CEP76: variants seen among roughly 807,000 people sequenced by gnomAD.
The protein encoded by CEP76 is centrosomal protein of 76 kDa.
In CEP76, 55 loss-of-function variants were observed where a neutral mutation model predicts 83.3. That is an observed-to-expected ratio of 0.66 (90% CI 0.53 to 0.83). The LOEUF (loss-of-function observed/expected upper bound fraction) is 0.83, where lower values mean the gene tolerates loss of function less well. Among genes scored for constraint, CEP76 ranks in the 40% least tolerant of loss-of-function variants. The pLI is 0.00. For missense variants in CEP76, 694 were observed against 799.5 expected, an observed-to-expected ratio of 0.87 and a Z score of 1.59; for synonymous variants, 270 against 274.5, an observed-to-expected ratio of 0.98 and a Z score of 0.16.
At chr18:12,669,584 G>T (rs1481023557), downstream of CEP76, among the ~76,000 whole-genome samples, 1 of 152,050 alleles carries the variant, frequency 6.6e-6, no homozygotes, top group Non-Finnish European at 1.5e-5. Context: ...ATATAGAGGG[G>T]ACTGTTGGCA....
Position 12,678,429 on chromosome 18 carries a change from G to A in CEP76, c.1303C>T (p.Pro435Ser). Residue 435 changes from proline to serine, a missense_variant, in exon 10 of 12, where the codon CCT becomes TCT. Pro to Ser is a moderately conservative substitution (Grantham distance 74). Coordinates refer to ENST00000262127, the MANE Select transcript of CEP76 (RefSeq NM_024899.4). ...ACTGGAGGTTCATCAGGATTGGTAGGTTTATGGATGTACCTAAAAAAATTA... is the reference window on the plus strand; with the variant it reads ...ACTGGAGGTTCATCAGGATTGGTAGATTTATGGATGTACCTAAAAAAATTA... ...SLTGHRYIHK[P>S]TNPDEPPVAE... 6.3e-7 allele frequency: 1 copy of A among 1,594,088 alleles called. No homozygotes were observed. The highest frequency in any genetic ancestry group is 8.6e-7 in the Non-Finnish European group (1 of 1,167,996).
At chr18:12,676,207 A>G (rs1005628256) in intron 10 of CEP76, among the ~76,000 whole-genome samples, 10 of 150,938 alleles carry the variant, frequency 6.6e-5, no homozygotes, top group Non-Finnish European at 1.5e-4. Flanking sequence ...ATTTACAGGC[A>G]CCTTAACTTA....
chr18:12,662,919 CTCCTT>C (rs1344003624), intron 12 of CEP76, among the ~76,000 whole-genome samples: 18 of 152,300 alleles, frequency 1.2e-4, no homozygotes, highest in African/African-American at 4.1e-4. Flanking sequence ...TAATGTGATT[CTCCTT>C]TAAGATAATT....
chr18:12,667,050 G>A (rs1333376397), intron 12 of CEP76, among the ~76,000 whole-genome samples: 1 of 151,788 alleles, frequency 6.6e-6, no homozygotes, highest in Non-Finnish European at 1.5e-5. Context: ...AAAATAAGAT[G>A]TATATGGAAA....
chr18:12,702,692 C>T lies in CEP76; in HGVS notation c.-144G>A. On this transcript the variant is annotated 5_prime_UTR_variant, in exon 1 of 12. Coordinates refer to ENST00000262127, the MANE Select transcript of CEP76 (RefSeq NM_024899.4). Reference sequence around the variant, plus strand: ...CTAGCGCAGCTCCCGGGGGACGCAACGCCGCGTCAGGCCGGGGGCTGACCT... The same window carrying T: ...CTAGCGCAGCTCCCGGGGGACGCAATGCCGCGTCAGGCCGGGGGCTGACCT... The T allele has an allele frequency of 1.1e-6, 1 of 900,250 alleles. No individual in the cohort carries two copies. The highest frequency in any genetic ancestry group is 1.6e-6 in the Non-Finnish European group (1 of 622,538). The allele number at this position is 900,250 out of a possible 1,614,324, so 55.8% of individuals were successfully genotyped here. A position where few individuals can be genotyped will look rare whatever the true frequency, so the allele number is the denominator to read the frequency against.
chr18:12,687,049 T>C (rs956696695), intron 7 of CEP76, among the ~76,000 whole-genome samples: 3 of 152,216 alleles, frequency 2.0e-5, no homozygotes, highest in Non-Finnish European at 4.4e-5. Context: ...GAATAACTTG[T>C]ATGCATATAT....
At chr18:12,691,570 C>T in intron 6 of CEP76, 83 bp from the exon 7 acceptor site, 1 of 998,988 alleles carries the variant, frequency 1.0e-6, no homozygotes, top group Non-Finnish European at 1.5e-6. Flanking sequence ...ATCTACTTCT[C>T]TACATCATTA....
At chr18:12,693,755 C>T (rs1374466682) in intron 6 of CEP76, among the ~76,000 whole-genome samples, 1 of 152,140 alleles carries the variant, frequency 6.6e-6, no homozygotes, top group East Asian at 1.9e-4. Context: ...TGCACTCCAA[C>T]CTGGCGACAG....
chr18:12,694,944 T>C (rs1224639533), intron 6 of CEP76, among the ~76,000 whole-genome samples: 10 of 151,838 alleles, frequency 6.6e-5, no homozygotes, highest in Admixed American at 6.6e-4. Context: ...CACGATCTCC[T>C]GACCTTGTGA....
intron 12 of CEP76, among the ~76,000 whole-genome samples, chr18:12,663,016 A>C (rs1020781298): frequency 2.6e-5 from 4 of 152,128 alleles, no homozygotes; most frequent in Admixed American, 2.0e-4. Context: ...AGAAGATTTG[A>C]CTTGGAAAAG....
intron 1 of CEP76, 63 bp from the exon 2 acceptor site, chr18:12,701,176 GT>G: frequency 8.0e-7 from 1 of 1,250,638 alleles, no homozygotes; most frequent in East Asian, 2.3e-5. Context: ...TGCTTCTGAA[GT>G]TTTAAGGTTC....
At chr18:12,699,269 T>G in intron 3 of CEP76, 66 bp from the exon 4 acceptor site, 1 of 1,158,702 alleles carries the variant, frequency 8.6e-7, no homozygotes, top group Non-Finnish European at 1.2e-6. Flanking sequence ...ATCAAGACAT[T>G]AGGAAATAAA....
At chr18:12,677,136 G>GA (rs2039164373) in intron 10 of CEP76, among the ~76,000 whole-genome samples, 1 of 151,946 alleles carries the variant, frequency 6.6e-6, no homozygotes, top group Admixed American at 6.6e-5. Context: ...CTTTACAAAG[G>GA]AAATCTACAT....
Position 12,681,115 on chromosome 18 carries a change from G to T in CEP76, c.1123-287C>A, listed in dbSNP as rs991724153. On this transcript the variant is annotated intron_variant, in intron 8 of 11. Transcript: ENST00000262127. ...TCAGGAGGCGAGGCAAGAGAATCAC[G>T]TGAACTTGGGAGGCGGAGGTTGCAG... Among the ~76,000 whole-genome samples, 3 of 151,032 alleles carry T rather than the reference G, an allele frequency of 2.0e-5. 1 individual carries two copies. The South Asian group carries it at 6.3e-4, about 32-fold the overall frequency.
chr18:12,701,260 C>G (rs958566578), intron 1 of CEP76, 147 bp from the exon 2 acceptor site: 4 of 609,364 alleles, frequency 6.6e-6, no homozygotes, highest in South Asian at 4.4e-5. Flanking sequence ...AAGAATGAAT[C>G]TTTTGAGTAC....
intron 8 of CEP76, among the ~76,000 whole-genome samples, chr18:12,681,758 A>G (rs1312231558): frequency 6.6e-6 from 1 of 152,194 alleles, no homozygotes; most frequent in Admixed American, 6.5e-5. Context: ...GAGGTTATAT[A>G]TAATTTTCCA....
At position 12,697,361 on chromosome 18, in the gene CEP76, C is replaced by G. The variant is rs1453403298; in HGVS notation, c.568G>C (p.Asp190His). The G allele has an allele frequency of 6.2e-7, 1 of 1,613,280 alleles. No individual in the cohort carries two copies. The highest frequency in any genetic ancestry group is 8.5e-7 in the Non-Finnish European group (1 of 1,179,634). ...ADSTTMLSISDPIHMVLIKTD... is the reference protein window; with the variant it reads ...ADSTTMLSISHPIHMVLIKTD... ...TTGATTAGCACCATATGAATTGGAT[C>G]ACTTATTGATAACATTGTTGTTGAA... Residue 190 changes from aspartate to histidine, a missense_variant, in exon 5 of 12, where the codon GAT becomes CAT. Coordinates refer to ENST00000262127, the MANE Select transcript of CEP76 (RefSeq NM_024899.4).
intron 9 of CEP76, among the ~76,000 whole-genome samples, chr18:12,679,827 C>A (rs2039281168): frequency 6.6e-6 from 1 of 152,022 alleles, no homozygotes; most frequent in African/African-American, 2.4e-5. Flanking sequence ...CTTTGGAAGG[C>A]CGTGGCAGGT....
chr18:12,695,498 T>TA (rs1342574214), intron 5 of CEP76, 147 bp from the exon 6 acceptor site: 1 of 449,154 alleles, frequency 2.2e-6, no homozygotes, highest in East Asian at 3.6e-5. Flanking sequence ...TTAATATTCA[T>TA]ATTAAAATGA....
Sources: gnomAD v4.1 joint callset for allele counts (sites outside exome capture counted in the v4.1 genomes callset) on GRCh38, gnomAD v4.1.1 for gene constraint, MANE v1.5 for transcripts, NCBI Gene and HGNC (gene_info 2026-07-23, HGNC 2026-07-21) for gene names.